The following KCND1 variants were observed in gnomAD, a reference collection of about 807,000 sequenced individuals.
The protein encoded by KCND1 is A-type voltage-gated potassium channel KCND1.
A neutral mutation model predicts 31.8 loss-of-function variants in KCND1; 11 were observed. The ratio of observed to expected loss-of-function variants is 0.35; its 90% confidence interval spans 0.22 to 0.57. The LOEUF (loss-of-function observed/expected upper bound fraction) is 0.57. Among genes scored for constraint, KCND1 ranks in the 20% least tolerant of loss-of-function variants. The pLI is 0.85. For missense variants in KCND1, 471 were observed against 596.8 expected, an observed-to-expected ratio of 0.79 and a Z score of 2.20; for synonymous variants, 234 against 248.1, an observed-to-expected ratio of 0.94 and a Z score of 0.53.
chrX:48,969,645 T>C lies in KCND1; in HGVS notation c.627A>G (p.Pro209=). Residue 209 remains proline (P), a synonymous_variant, in exon 1 of 6, where the codon CCA becomes CCG. Transcript: ENST00000218176. The part of the protein sequence containing the change: ...SVIANVVETI[P]CRGSARRSSR... ...AGGACCTGCGTGCAGAGCCGCGGCATGGGATGGTCTCCACCACATTGGCGA... is the reference window on the plus strand; with the variant it reads ...AGGACCTGCGTGCAGAGCCGCGGCACGGGATGGTCTCCACCACATTGGCGA... 3.3e-6 allele frequency: 4 copies of C among 1,210,810 alleles called. No homozygotes were observed. The highest frequency in any genetic ancestry group is 4.5e-6 in the Non-Finnish European group (4 of 895,246).
rs1386913630 is a variant in KCND1, at chrX:48,966,213, G to A, written c.1560C>T (p.Ser520=). The change falls in exon 5 of 6, where the codon TCC becomes TCT. Residue 520 remains serine, a synonymous_variant. Coordinates refer to ENST00000218176, the MANE Select transcript of KCND1 (RefSeq NM_004979.6). ...GRTSRSTSVS[S]QPVGPGSLLS... is the part of the protein sequence containing the mutation. ...GCAGGCTTCCGGGTCCCACTGGCTG[G>A]GAAGACACAGAGGTGCTACGGCTGG... is the stretch of plus-strand genomic sequence containing the variant. 67 of 1,207,532 alleles carry A rather than the reference G, an allele frequency of 5.5e-5. No homozygotes were observed. The Admixed American group carries it at 1.5e-3, about 26-fold the overall frequency.
chrX:48,966,015 G>A (rs782140986), intron 5 of KCND1, 40 bp downstream of exon 5: 2 of 1,192,436 alleles, frequency 1.7e-6, no homozygotes, highest in Non-Finnish European at 1.1e-6. Flanking sequence ...TAAGCTCTGA[G>A]CTTCCCCAGG....
intron 1 of KCND1, 144 bp from the exon 2 acceptor site, chrX:48,967,250 A>G: frequency 2.0e-6 from 1 of 509,139 alleles, no homozygotes; most frequent in Non-Finnish European, 3.2e-6. Flanking sequence ...CTTGCTCTGT[A>G]AAATGCTGGG....
At position 48,970,169 on chromosome X, in the gene KCND1, C is replaced by T; in HGVS notation, c.103G>A (p.Ala35Thr). ...QPLPPAPGVKASRGDEVLVVN... is the reference protein window; with the variant it reads ...QPLPPAPGVKTSRGDEVLVVN... The stretch of plus-strand genomic sequence containing the variant: ...ACCAGAACCTCATCTCCTCGAGATG[C>T]CTTCACCCCCGGTGCCGGGGGCAGG... Residue 35 changes from alanine to threonine, a missense_variant, in exon 1 of 6, where the codon GCA (alanine) becomes ACA (threonine). Physicochemically the swap from Ala to Thr is moderately conservative, Grantham distance 58. This residue lies in a region of KCND1 where 212 missense variants were observed against 257.9 expected (regional missense o/e 0.82). Coordinates refer to ENST00000218176, the MANE Select transcript of KCND1 (RefSeq NM_004979.6). 1 of 1,208,685 alleles carries T rather than the reference C, an allele frequency of 8.3e-7. No individual in the cohort carries two copies. The highest frequency in any genetic ancestry group is 2.2e-5 in the Admixed American group (1 of 45,778).
intron 5 of KCND1, 52 bp from the exon 6 acceptor site, chrX:48,962,858 C>T (rs919737074): frequency 1.7e-5 from 18 of 1,044,483 alleles, no homozygotes; most frequent in Non-Finnish European, 2.2e-5. Context: ...TATCTTAGGC[C>T]GGGTGCGGTG....
intron 1 of KCND1, chrX:48,968,530 T>C (rs1440590988): frequency 9.0e-6 from 1 of 111,471 alleles, no homozygotes; most frequent in Non-Finnish European, 1.9e-5. Flanking sequence ...CTTTCACAAC[T>C]ATGATGTCAT....
Position 48,969,323 on chromosome X carries a change from A to C in KCND1, c.949T>G (p.Tyr317Asp). The C allele has an allele frequency of 8.3e-7, 1 of 1,210,990 alleles. No individual in the cohort carries two copies. The highest frequency in any genetic ancestry group is 1.1e-6 in the Non-Finnish European group (1 of 894,967). Residue 317 changes from tyrosine to aspartate, a missense_variant, in exon 1 of 6, where the codon TAC (tyrosine) becomes GAC (aspartate). Around this residue, in one of 3 missense-constraint regions of KCND1, gnomAD observed 74 missense variants for 154.2 expected, o/e 0.48. Coordinates refer to ENST00000218176, the MANE Select transcript of KCND1 (RefSeq NM_004979.6). Reference protein sequence around the residue: ...RHSQGLRILGYTLKSCASELG... With the variant: ...RHSQGLRILGDTLKSCASELG... Reference sequence around the variant, plus strand: ...TCAGAGGCACAGCTCTTGAGTGTGTAGCCCAGAATCCTCAAGCCCTGTGAG... The same window carrying C: ...TCAGAGGCACAGCTCTTGAGTGTGTCGCCCAGAATCCTCAAGCCCTGTGAG...
intron 4 of KCND1, 76 bp from the exon 5 acceptor site, chrX:48,966,381 G>A: frequency 3.6e-6 from 4 of 1,118,605 alleles, no homozygotes; most frequent in Non-Finnish European, 3.6e-6. Flanking sequence ...TGCTCAGGCT[G>A]TTTTCTCCTT....
intron 5 of KCND1, among the ~76,000 whole-genome samples, chrX:48,963,689 G>A (rs1438286512): frequency 9.0e-6 from 1 of 111,144 alleles, no homozygotes; most frequent in Non-Finnish European, 1.9e-5. Context: ...CACCTCATAG[G>A]GTTGCTGTGG....
Position 48,962,768 on chromosome X carries a change from T to G in KCND1, c.1757A>C (p.Asp586Ala). 1 of 1,210,581 alleles carries G rather than the reference T, an allele frequency of 8.3e-7. No homozygotes were observed. The change falls in exon 6 of 6, where the codon GAC becomes GCC. Residue 586 changes from aspartate (D) to alanine (A), a missense_variant. Asp to Ala is a moderately radical substitution (Grantham distance 126, BLOSUM62 -2). This residue lies in a region of KCND1 where 185 missense variants were observed against 184.7 expected (regional missense o/e 1.00). Transcript: ENST00000218176. ...SLNAKPHDSL[D>A]LNCDSRDFVA... ...GAAGTCCCGGCTGTCGCAGTTCAGGTCAAGGCTGTCATGGGGCTTGGCATT... is the reference window on the plus strand; with the variant it reads ...GAAGTCCCGGCTGTCGCAGTTCAGGGCAAGGCTGTCATGGGGCTTGGCATT...
Position 48,970,395 on chromosome X carries a change from T to C in KCND1, c.-124A>G. ...CCCAAACAAGGAAACTGGGGGTGTC[T>C]AGAGAGGCCAAGAGGAACCAGGAGG... On this transcript the variant is annotated 5_prime_UTR_variant, in exon 1 of 6. It removes the in-frame stop codon of an upstream open reading frame in the 5' UTR. Coordinates refer to ENST00000218176, the MANE Select transcript of KCND1 (RefSeq NM_004979.6). 1.6e-6 allele frequency: 1 copy of C among 613,389 alleles called. No homozygotes were observed. The highest frequency in any genetic ancestry group is 2.4e-6 in the Non-Finnish European group (1 of 409,727). The allele number at this position is 613,389 out of a possible 1,213,427, so 50.6% of individuals were successfully genotyped here. A position where few individuals can be genotyped will look rare whatever the true frequency, so the allele number is the denominator to read the frequency against.
At chrX:48,963,554 CA>C (rs782318804) in intron 5 of KCND1, among the ~76,000 whole-genome samples, 2 of 111,393 alleles carry the variant, frequency 1.8e-5, no homozygotes, top group East Asian at 5.6e-4. Context: ...CCTGCATCCC[CA>C]ATTATGGTGG....
rs1557057050 is a variant in KCND1, at chrX:48,961,554, T to C, written c.*1027A>G. On this transcript the variant is annotated 3_prime_UTR_variant, in exon 6 of 6. Coordinates refer to ENST00000218176, the MANE Select transcript of KCND1 (RefSeq NM_004979.6). ...AAGAAAGGAATATGTGAAAAGGAAT[T>C]GTAGGGGAGGAGGAGGAGGAGAAGT... The C allele has an allele frequency of 8.9e-6, 1 of 112,294 alleles. No homozygotes were observed. The highest frequency in any genetic ancestry group is 2.8e-4 in the East Asian group (1 of 3,567). 9.3% of individuals were successfully genotyped at this position (112,294 alleles called of 1,213,427 possible). A position where few individuals can be genotyped will look rare whatever the true frequency, so the allele number is the denominator to read the frequency against.
intron 1 of KCND1, among the ~76,000 whole-genome samples, chrX:48,968,740 G>A (rs1473984144): frequency 8.9e-6 from 1 of 112,311 alleles, no homozygotes; most frequent in African/African-American, 3.2e-5. Flanking sequence ...AGTTTGTACA[G>A]ATGAGCAAAC....
Position 48,966,692 on chromosome X carries a change from C to A in KCND1, c.1369-16G>T. 2.5e-6 allele frequency: 3 copies of A among 1,206,631 alleles called. No individual in the cohort carries two copies. The highest frequency in any genetic ancestry group is 3.4e-6 in the Non-Finnish European group (3 of 891,958). On this transcript the variant is annotated splice_polypyrimidine_tract_variant and intron_variant, in intron 3 of 5. Coordinates refer to ENST00000218176, the MANE Select transcript of KCND1 (RefSeq NM_004979.6). ...TGCCGCTGTCCTGGAGTAGATGGAG[C>A]AGAGCGATAAGGGCAGCACCTTCCT... is the stretch of plus-strand genomic sequence containing the variant.
chrX:48,969,897 G>A lies in KCND1; in HGVS notation c.375C>T (p.Pro125=), dbSNP rs1427547115. 5 of 1,211,563 alleles carry A rather than the reference G, an allele frequency of 4.1e-6. No homozygotes were observed. Among genetic ancestry groups the A allele is most frequent in the African/African-American group, 3.5e-5 (2 of 57,929 alleles). The part of the protein sequence containing the change: ...DEELAFYGLV[P]ELVGDCCLEE... ...CAAGGCAGCAGTCACCGACTAGCTC[G>A]GGAACCAGGCCGTAGAAAGCCAGCT... The change falls in exon 1 of 6, where the codon CCC becomes CCT. Residue 125 remains proline, a synonymous_variant. Transcript: ENST00000218176.
rs782800229 is a variant in KCND1 at position 48,970,499 on chromosome X, G to GA, written c.-229dup. ...GGCCTGGGCAATGTTCTGAGGGACTGAGAAGGGCCTTGGGGACATGGAGAA... is the reference window on the plus strand; with the variant it reads ...GGCCTGGGCAATGTTCTGAGGGACTGAAGAAGGGCCTTGGGGACATGGAGAA... On this transcript the variant is annotated 5_prime_UTR_variant, in exon 1 of 6. The change creates a premature stop within an existing upstream ORF in the 5' untranslated region. Coordinates refer to ENST00000218176, the MANE Select transcript of KCND1 (RefSeq NM_004979.6). 5 of 393,270 alleles carry GA rather than the reference G, an allele frequency of 1.3e-5. No homozygotes were observed. In the African/African-American group the frequency reaches 1.3e-4, roughly 10 times the overall value. 32.4% of individuals were successfully genotyped at this position (393,270 alleles called of 1,213,427 possible).
chrX:48,962,670 C>A lies in KCND1; in HGVS notation c.1855G>T (p.Gly619Cys). The A allele has an allele frequency of 8.3e-7, 1 of 1,210,081 alleles. No individual in the cohort carries two copies. Among genetic ancestry groups the A allele is most frequent in the Non-Finnish European group, 1.1e-6 (1 of 894,747 alleles). Residue 619 changes from glycine to cysteine, a missense_variant, in exon 6 of 6, where the codon GGC (glycine) becomes TGC (cysteine). Gly to Cys is a radical substitution (Grantham distance 159, BLOSUM62 -3). Coordinates refer to ENST00000218176, the MANE Select transcript of KCND1 (RefSeq NM_004979.6). ...PDESQPSSPG[G>C]GGRAGSTLRN... is the part of the protein sequence containing the mutation. ...AGGGTGCTGCCGGCCCTGCCACCGC[C>A]GCCAGGGGAGGAAGGTTGGCTCTCA...
rs1268416770 is a variant in KCND1, at chrX:48,961,781, G to T, written c.*800C>A. The T allele has an allele frequency of 1.8e-5, 2 of 113,167 alleles. No individual in the cohort carries two copies. The highest frequency in any genetic ancestry group is 3.7e-5 in the Non-Finnish European group (2 of 53,432). 9.3% of individuals were successfully genotyped at this position (113,167 alleles called of 1,213,427 possible). ...GGACGCAAACCAGAGGAGAAGAGAGGAGGAGGAGGAGTTAGAGGTGGCCCC... is the reference window on the plus strand; with the variant it reads ...GGACGCAAACCAGAGGAGAAGAGAGTAGGAGGAGGAGTTAGAGGTGGCCCC... On this transcript the variant is annotated 3_prime_UTR_variant, in exon 6 of 6. Coordinates refer to ENST00000218176, the MANE Select transcript of KCND1 (RefSeq NM_004979.6).
Sources: gnomAD v4.1 joint callset for allele counts (sites outside exome capture counted in the v4.1 genomes callset) on GRCh38, gnomAD v4.1.1 for gene constraint, gnomAD v4.1.1 regional missense constraint, MANE v1.5 for transcripts, NCBI Gene and HGNC (gene_info 2026-07-23, HGNC 2026-07-21) for gene names.